FAM185A: variants seen among roughly 807,000 people sequenced by gnomAD.
FAM185A encodes family with sequence similarity 185 member A.
FAM185A carries 21 observed loss-of-function variants against 45.7 expected under a neutral mutation model. The observed-to-expected ratio is 0.46, with a 90% CI of 0.33 to 0.66. FAM185A has a LOEUF of 0.66. Among genes scored for constraint, FAM185A ranks in the 30% least tolerant of loss-of-function variants. The probability of loss-of-function intolerance (pLI) is 0.03; values close to 1 mark genes in which losing one functional copy is unlikely to be tolerated. For synonymous variants in FAM185A, 117 were observed against 194.0 expected, an observed-to-expected ratio of 0.60 and a Z score of 3.30; for missense variants, 305 against 485.4, an observed-to-expected ratio of 0.63 and a Z score of 3.49.
chr7:102,769,953 C>T (rs970797489), intron 4 of FAM185A, among the ~76,000 whole-genome samples: 13 of 152,154 alleles, frequency 8.5e-5, no homozygotes, highest in Admixed American at 8.5e-4. Context: ...CAATTACCTC[C>T]CAAAGGTCCC....
chr7:102,783,581 A>G (rs1272856963), intron 6 of FAM185A, among the ~76,000 whole-genome samples: 1 of 152,168 alleles, frequency 6.6e-6, no homozygotes, highest in Non-Finnish European at 1.5e-5. Context: ...AGGCAGAAAT[A>G]AAGATGTTCT....
At chr7:102,794,294 T>G (rs897262741) in intron 7 of FAM185A, among the ~76,000 whole-genome samples, 5 of 152,178 alleles carry the variant, frequency 3.3e-5, no homozygotes, top group Admixed American at 3.3e-4. Flanking sequence ...CTAAGTGAAC[T>G]ATCCCCAGTA....
chr7:102,777,369 T>G (rs1213451217), intron 6 of FAM185A, 21 bp downstream of exon 6: 2 of 1,444,956 alleles, frequency 1.4e-6, no homozygotes, highest in Non-Finnish European at 1.9e-6. Context: ...TGGAATGTTT[T>G]ATTTTGACAT....
the FAM185A span, among the ~76,000 whole-genome samples, chr7:102,833,328 T>C: frequency 3.3e-5 from 5 of 152,088 alleles, no homozygotes; most frequent in Non-Finnish European, 2.9e-5. Context: ...TGGAATGTAA[T>C]GGAAAGAACA....
intron 7 of FAM185A, among the ~76,000 whole-genome samples, chr7:102,806,142 T>TTTGTTG (rs112645611): frequency 1.8e-4 from 27 of 151,562 alleles, no homozygotes; most frequent in South Asian, 6.2e-4. Context: ...AAGCTGTTAT[T>TTTGTTG]TTGTTGTTGT....
At chr7:102,779,944 C>T (rs532812249) in intron 6 of FAM185A, 2 of 139,782 alleles carry the variant, frequency 1.4e-5, no homozygotes, top group South Asian at 4.8e-4. Flanking sequence ...CTCTTGAGCT[C>T]AAGCAATCCA....
chr7:102,834,579 A>T, the FAM185A span: 1 of 151,706 alleles, frequency 6.6e-6, no homozygotes, highest in East Asian at 1.9e-4. Flanking sequence ...CTTGGCACAT[A>T]GTAAGCACCC....
At chr7:102,781,850 C>T (rs960236863) in intron 6 of FAM185A, among the ~76,000 whole-genome samples, 1 of 152,068 alleles carries the variant, frequency 6.6e-6, no homozygotes, top group African/African-American at 2.4e-5. Flanking sequence ...GACAATCAAA[C>T]TACTCTGAGC....
At chr7:102,786,620 T>C (rs1056720653) in intron 6 of FAM185A, among the ~76,000 whole-genome samples, 17 of 152,038 alleles carry the variant, frequency 1.1e-4, no homozygotes, top group Non-Finnish European at 2.4e-4. Context: ...TAGGTGGGAA[T>C]TGAACAATGA....
chr7:102,839,548 G>A, the FAM185A span, among the ~76,000 whole-genome samples: 1 of 152,314 alleles, frequency 6.6e-6, no homozygotes, highest in African/African-American at 2.4e-5. Flanking sequence ...CACCTCCTGG[G>A]TTCAAGAGAT....
chr7:102,799,521 A>C (rs1300327609), intron 7 of FAM185A, among the ~76,000 whole-genome samples: 3 of 152,250 alleles, frequency 2.0e-5, no homozygotes, highest in African/African-American at 7.2e-5. Flanking sequence ...CTATTATAAC[A>C]GAGGGAAAAA....
At chr7:102,826,757 A>ATATATATT in the FAM185A span, among the ~76,000 whole-genome samples, 2 of 104,846 alleles carry the variant, frequency 1.9e-5, no homozygotes, top group East Asian at 9.5e-4. Flanking sequence ...ATATATATAT[A>ATATATATT]TATATATATA....
At chr7:102,783,525 C>A (rs187936794) in intron 6 of FAM185A, among the ~76,000 whole-genome samples, 1 of 152,294 alleles carries the variant, frequency 6.6e-6, no homozygotes, top group African/African-American at 2.4e-5. Flanking sequence ...TACATGGCAA[C>A]TGAACAACCT....
the FAM185A span, among the ~76,000 whole-genome samples, chr7:102,847,467 A>G: frequency 6.6e-6 from 1 of 152,206 alleles, no homozygotes; most frequent in East Asian, 1.9e-4. Flanking sequence ...TAAATGGATG[A>G]TTAATTTTTA....
intron 7 of FAM185A, among the ~76,000 whole-genome samples, chr7:102,807,689 G>A: frequency 6.6e-6 from 1 of 151,844 alleles, no homozygotes; most frequent in African/African-American, 2.4e-5. Context: ...CGAGGCGGGT[G>A]GATCACGAGG....
chr7:102,817,927 A>C, the FAM185A span, among the ~76,000 whole-genome samples: 1 of 152,246 alleles, frequency 6.6e-6, no homozygotes, highest in Non-Finnish European at 1.5e-5. Flanking sequence ...TCTTTGGATC[A>C]GTATAGAACA....
the FAM185A span, among the ~76,000 whole-genome samples, chr7:102,830,190 T>TAACAAAA: frequency 2.6e-5 from 4 of 152,156 alleles, no homozygotes; most frequent in African/African-American, 4.8e-5. Flanking sequence ...TCAGCCTTCA[T>TAACAAAA]AACAAAAAAC....
the FAM185A span, among the ~76,000 whole-genome samples, chr7:102,824,939 T>G: frequency 1.3e-5 from 2 of 152,146 alleles, no homozygotes; most frequent in Non-Finnish European, 2.9e-5. Context: ...CTTGCTTTTT[T>G]GTTTTTCCTA....
chr7:102,850,393 C>T, the FAM185A span, among the ~76,000 whole-genome samples: 1 of 152,122 alleles, frequency 6.6e-6, no homozygotes, highest in Non-Finnish European at 1.5e-5. Flanking sequence ...ATGTCATCAC[C>T]ATGGTAGGTT....
Sources: gnomAD v4.1 joint callset for allele counts (sites outside exome capture counted in the v4.1 genomes callset) on GRCh38, gnomAD v4.1.1 for gene constraint, MANE v1.5 for transcripts, NCBI Gene and HGNC (gene_info 2026-07-23, HGNC 2026-07-21) for gene names.